TET3: variants seen among roughly 807,000 people sequenced by gnomAD.
TET3 encodes the protein tet methylcytosine dioxygenase 3, also known as methylcytosine dioxygenase TET3.
A neutral mutation model predicts 141.4 loss-of-function variants in TET3; 19 were observed. The observed-to-expected ratio is 0.13, with a 90% CI of 0.09 to 0.20. TET3 has a LOEUF of 0.20. Among genes scored for constraint, TET3 ranks in the 10% least tolerant of loss-of-function variants. The pLI, the probability that TET3 is intolerant of heterozygous loss-of-function variation, is 1.00. For missense variants in TET3, 1,874 were observed against 2,356.9 expected (o/e 0.80, Z 4.24); for synonymous variants, 1,043 against 980.9 (o/e 1.06, Z -1.18).
chr2:74,085,455 C>G (rs892447949), intron 6 of TET3, among the ~76,000 whole-genome samples: 4 of 152,242 alleles, frequency 2.6e-5, no homozygotes, highest in African/African-American at 9.6e-5. Flanking sequence ...CCAGGTCTGT[C>G]TGCAACCCAG....
chr2:73,997,404 C>T (rs1225175734), intron 2 of TET3, among the ~76,000 whole-genome samples: 1 of 152,106 alleles, frequency 6.6e-6, no homozygotes, highest in African/African-American at 2.4e-5. Flanking sequence ...TGGGAATGAT[C>T]CTGAAGCCCT....
intron 5 of TET3, among the ~76,000 whole-genome samples, chr2:74,076,146 G>A (rs1398306484): frequency 6.6e-6 from 1 of 151,992 alleles, no homozygotes. Flanking sequence ...GGTAAGATAA[G>A]GTTGACATAT....
rs761984624 is a variant in TET3, at chr2:74,100,770, C to T, written c.3982C>T (p.Leu1328=). The part of the protein sequence containing the change: ...KPDLHALHNS[L]SPAYGGAEFA... ...AGACCTCCACGCTCTGCACAACAGC[C>T]TGAGCCCGGCCTACGGTGGTGCTGA... The change falls in exon 12 of 12, where the codon CTG becomes TTG. Residue 1328 remains leucine, a synonymous_variant. Transcript: ENST00000409262. 2.5e-6 allele frequency: 4 copies of T among 1,613,418 alleles called. No homozygotes were observed. The highest frequency in any genetic ancestry group is 3.3e-5 in the Admixed American group (2 of 59,904).
chr2:74,124,129 G>T, the TET3 span, among the ~76,000 whole-genome samples: 1 of 151,722 alleles, frequency 6.6e-6, no homozygotes, highest in South Asian at 2.1e-4. Context: ...GAGGTGGGGG[G>T]CAGCCCCCGC....
the TET3 span, among the ~76,000 whole-genome samples, chr2:74,124,960 A>G: frequency 6.6e-6 from 1 of 150,492 alleles, no homozygotes; most frequent in East Asian, 1.9e-4. Flanking sequence ...TAAAAACTAA[A>G]AAAAAAAAAA....
chr2:74,116,106 G>C, the TET3 span, among the ~76,000 whole-genome samples: 1 of 151,104 alleles, frequency 6.6e-6, no homozygotes, highest in Non-Finnish European at 1.5e-5. Context: ...ACAAATATAT[G>C]AAAAAATGCC....
At chr2:74,124,422 C>G in the TET3 span, among the ~76,000 whole-genome samples, 1 of 152,158 alleles carries the variant, frequency 6.6e-6, no homozygotes, top group Non-Finnish European at 1.5e-5. Context: ...GCCGCCACCC[C>G]GTCTGGGAGG....
intron 3 of TET3, among the ~76,000 whole-genome samples, chr2:74,011,006 G>A (rs1159483231): frequency 6.6e-6 from 1 of 152,066 alleles, no homozygotes; most frequent in East Asian, 1.9e-4. Context: ...GGGAGGCTGA[G>A]GTGGCCAGAT....
rs148402202 is a variant in TET3 at position 74,051,541 on chromosome 2, G to A, written c.2494+3130G>A. Among the ~76,000 whole-genome samples the A allele has an allele frequency of 6.6e-3, 1,000 of 152,298 alleles. 7 individuals are homozygous for A. The highest frequency in any genetic ancestry group is 0.012 in the Admixed American group (186 of 15,298). ...GTATAACCCAGAAATATTTGTGAAA[G>A]TGCATGCTAGCAGTAGCATGGAAGG... On this transcript the variant is annotated intron_variant, in intron 4 of 11. Coordinates refer to ENST00000409262, the MANE Select transcript of TET3 (RefSeq NM_001287491.2).
At chr2:74,002,794 C>G in intron 2 of TET3, 1 of 566,520 alleles carries the variant, frequency 1.8e-6, no homozygotes, top group Non-Finnish European at 3.1e-6. Flanking sequence ...CAGAGGAGGC[C>G]GGCCGAGGTA....
chr2:74,022,094 C>CT (rs34529157), intron 3 of TET3, among the ~76,000 whole-genome samples: 59 of 82,746 alleles, frequency 7.1e-4, no homozygotes, highest in African/African-American at 2.1e-3. Flanking sequence ...TTCTAGGACA[C>CT]TTTTTTTTTT....
downstream of TET3, among the ~76,000 whole-genome samples, chr2:74,110,088 CATT>C (rs1167614516): frequency 1.8e-4 from 28 of 152,268 alleles, no homozygotes; most frequent in Admixed American, 1.1e-3. Flanking sequence ...TAAGAGCTAT[CATT>C]ATTACTCTTG....
At position 74,009,208 on chromosome 2, in the gene TET3, G is replaced by A. The variant is rs551281812; in HGVS notation, c.360+6042G>A. 1.2e-4 allele frequency among the ~76,000 whole-genome samples: 19 copies of A among 152,294 alleles called. No individual in the cohort carries two copies. The South Asian group carries it at 1.4e-3, about 12-fold the overall frequency. On this transcript the variant is annotated intron_variant, in intron 3 of 11. Transcript: ENST00000409262. ...CTGCCAGTCCACCTTCCTGTACCTC[G>A]GGGAGGTGCCATCTCTGACCCTGCT...
At chr2:74,024,935 AGGCCAGGCGCCGT>A (rs1686247781) in intron 3 of TET3, among the ~76,000 whole-genome samples, 1 of 152,098 alleles carries the variant, frequency 6.6e-6, no homozygotes, top group Admixed American at 6.5e-5. Context: ...AGTAAGTAGC[AGGCCAGGCGCCGT>A]GGTGGTGGCT....
At chr2:74,077,308 G>A (rs1437721723) in intron 5 of TET3, among the ~76,000 whole-genome samples, 1 of 152,204 alleles carries the variant, frequency 6.6e-6, no homozygotes, top group Non-Finnish European at 1.5e-5. Flanking sequence ...TGACCCAGCA[G>A]GTCTGGAATG....
At chr2:74,112,790 C>A (rs1236297177), downstream of TET3, among the ~76,000 whole-genome samples, 1 of 150,778 alleles carries the variant, frequency 6.6e-6, no homozygotes, top group African/African-American at 2.4e-5. Context: ...ATCATGAGGT[C>A]AGAAGTTCAA....
rs1691183871 is a variant in TET3, at chr2:74,101,140, G to A, written c.4352G>A (p.Gly1451Asp). The change falls in exon 12 of 12, where the codon GGT (glycine) becomes GAT (aspartate). Residue 1451 changes from glycine (G) to aspartate (D), a missense_variant. By Grantham distance (94) the Gly-to-Asp change is moderately conservative. Transcript: ENST00000409262. The surrounding 1 kb of genome is among the most constrained non-coding windows in gnomAD (Gnocchi z 8.5). Reference protein sequence around the residue: ...GPSMSPKRTNGVGGSWGVFSS... With the variant: ...GPSMSPKRTNDVGGSWGVFSS... ...AGCATGTCCCCCAAGAGGACTAACGGTGTGGGTGGCAGCTGGGGTGTGTTC... is the reference window on the plus strand; with the variant it reads ...AGCATGTCCCCCAAGAGGACTAACGATGTGGGTGGCAGCTGGGGTGTGTTC... The A allele has an allele frequency of 6.2e-7, 1 of 1,613,856 alleles. No individual in the cohort carries two copies. Among genetic ancestry groups the A allele is most frequent in the East Asian group, 2.2e-5 (1 of 44,870 alleles).
intron 5 of TET3, among the ~76,000 whole-genome samples, chr2:74,076,470 TGTCTATTTTATTTTGTTTTG>T (rs1689518290): frequency 8.1e-6 from 1 of 123,702 alleles, no homozygotes; most frequent in African/African-American, 3.0e-5. Flanking sequence ...TTTTTTTTTT[TGTCTATTTTATTTTGTTTTG>T]TTTTTGACAT....
chr2:74,018,266 C>A (rs1685842471), intron 3 of TET3, among the ~76,000 whole-genome samples: 1 of 152,000 alleles, frequency 6.6e-6, no homozygotes, highest in Non-Finnish European at 1.5e-5. Context: ...CGTGCCTGGC[C>A]TTCTTCTGTC....
Sources: gnomAD v4.1 joint callset for allele counts (sites outside exome capture counted in the v4.1 genomes callset) on GRCh38, gnomAD v4.1.1 for gene constraint, Gnocchi (gnomAD v3.1) non-coding constraint, MANE v1.5 for transcripts, NCBI Gene and HGNC (gene_info 2026-07-23, HGNC 2026-07-21) for gene names.